GNG2: variants seen among roughly 807,000 people sequenced by gnomAD.
The protein encoded by GNG2 is G protein subunit gamma 2, also known as guanine nucleotide-binding protein G(I)/G(S)/G(O) subunit gamma-2.
Under a neutral mutation model 5.5 loss-of-function variants are expected in GNG2, and 5 were observed. The observed-to-expected ratio is 0.91, with a 90% CI of 0.48 to 1.92. The LOEUF is 1.92. GNG2 is among the 30% of genes most tolerant of loss of function. GNG2 has a pLI of 0.01. For missense variants in GNG2, 55 were observed against 88.4 expected (o/e 0.62, Z 1.52); for synonymous variants, 28 against 32.0 (o/e 0.88, Z 0.42).
intron 2 of GNG2, among the ~76,000 whole-genome samples, chr14:51,879,380 C>A (rs955306583): frequency 6.6e-6 from 1 of 152,098 alleles, no homozygotes; most frequent in Non-Finnish European, 1.5e-5. Flanking sequence ...AGGTAATGGT[C>A]AAATATTGAG....
intron 2 of GNG2, among the ~76,000 whole-genome samples, chr14:51,948,309 G>T (rs962968058): frequency 5.3e-5 from 8 of 152,238 alleles, no homozygotes; most frequent in African/African-American, 1.9e-4. Context: ...GGCAAGTTGT[G>T]ATCTCTGCCA....
In GNG2 at chr14:51,966,962, G is replaced by GCCCC. The variant is rs58532727; in HGVS notation, c.*282_*285dup. On this transcript the variant is annotated 3_prime_UTR_variant, in exon 4 of 4. Coordinates refer to ENST00000556766, the MANE Select transcript of GNG2 (RefSeq NM_053064.5). ...GTCACTTCTTTTCTGCTATCCCCCA[G>GCCCC]CCCCCCCCCCAAAATCCTCATGTTT... 15,196 of 105,196 alleles carry GCCCC rather than the reference G, an allele frequency of 0.14. 1,510 individuals are homozygous for GCCCC. Among genetic ancestry groups the GCCCC allele is most frequent in the Non-Finnish European group, 0.18 (9,896 of 54,072 alleles). The allele number at this position is 105,196 out of a possible 1,614,324, so 6.5% of individuals were successfully genotyped here. A position where few individuals can be genotyped will look rare whatever the true frequency, so the allele number is the denominator to read the frequency against.
At chr14:51,847,448 A>T (rs1335665035) in intron 2 of GNG2, 1 of 152,290 alleles carries the variant, frequency 6.6e-6, no homozygotes, top group Non-Finnish European at 1.5e-5. Context: ...TTATGGTAAG[A>T]GTAGCCCTGA....
chr14:51,945,304 T>C (rs1311131610), intron 2 of GNG2, among the ~76,000 whole-genome samples: 15 of 152,076 alleles, frequency 9.9e-5, no homozygotes, highest in East Asian at 1.9e-4. Flanking sequence ...AAGAGGTGAA[T>C]GGATAAAGAA....
chr14:51,957,408 C>A (rs1468810384), intron 3 of GNG2, among the ~76,000 whole-genome samples: 2 of 152,140 alleles, frequency 1.3e-5, no homozygotes, highest in East Asian at 1.9e-4. Context: ...TCTCTAATTT[C>A]TCTTTTCCTT....
chr14:51,953,151 A>G (rs999368747), intron 3 of GNG2, among the ~76,000 whole-genome samples: 2 of 152,226 alleles, frequency 1.3e-5, no homozygotes, highest in Admixed American at 1.3e-4. Flanking sequence ...ATTCAGATCA[A>G]ATTATTAGGT....
chr14:51,963,513 C>T (rs1306249702), intron 3 of GNG2, among the ~76,000 whole-genome samples: 1 of 152,176 alleles, frequency 6.6e-6, no homozygotes, highest in Non-Finnish European at 1.5e-5. Flanking sequence ...AAAGTGATCT[C>T]AATTCAGTCT....
rs189330796 is a variant in GNG2, at chr14:51,884,337, C to T, written c.-30+6680C>T. Among the ~76,000 whole-genome samples the T allele has an allele frequency of 4.6e-5, 7 of 152,144 alleles. No homozygotes were observed. The South Asian group carries it at 6.2e-4, about 13-fold the overall frequency. ...TTTAGCCTCTGTTAACATTTATATG[C>T]GGAACTTAAGTAATAAACCTTAATG... On this transcript the variant is annotated intron_variant, in intron 2 of 3. Coordinates refer to ENST00000556766, the MANE Select transcript of GNG2 (RefSeq NM_053064.5).
At chr14:51,833,600 A>T (rs1881254794) in intron 2 of GNG2, among the ~76,000 whole-genome samples, 1 of 152,252 alleles carries the variant, frequency 6.6e-6, no homozygotes, top group South Asian at 2.1e-4. Flanking sequence ...CTTAATGTGG[A>T]CCATCCTAAG....
intron 2 of GNG2, among the ~76,000 whole-genome samples, chr14:51,839,630 A>G (rs1362076062): frequency 1.6e-4 from 25 of 152,152 alleles, no homozygotes; most frequent in Admixed American, 1.6e-3. Flanking sequence ...GGAGGAGTTA[A>G]CTGCAAAGGA....
chr14:51,855,659 A>G (rs1201274411), upstream of GNG2, among the ~76,000 whole-genome samples: 1 of 152,236 alleles, frequency 6.6e-6, no homozygotes, highest in Non-Finnish European at 1.5e-5. Context: ...ATCAATGTGT[A>G]AGAGTGGACA....
intron 2 of GNG2, among the ~76,000 whole-genome samples, chr14:51,942,026 C>A (rs1255897011): frequency 6.6e-6 from 1 of 152,116 alleles, no homozygotes; most frequent in Non-Finnish European, 1.5e-5. Flanking sequence ...TGCTTACTGG[C>A]AAATATAACC....
chr14:51,851,092 G>T (rs1156898189), intron 2 of GNG2, among the ~76,000 whole-genome samples: 2 of 152,182 alleles, frequency 1.3e-5, no homozygotes, highest in Non-Finnish European at 2.9e-5. Context: ...GCAGCCTCAG[G>T]AACATTTGCA....
chr14:51,841,259 C>A (rs1031162880), intron 2 of GNG2, among the ~76,000 whole-genome samples: 3 of 152,174 alleles, frequency 2.0e-5, no homozygotes, highest in African/African-American at 7.2e-5. Flanking sequence ...CTCTGTGAAT[C>A]AGCTGCAACA....
intron 1 of GNG2, among the ~76,000 whole-genome samples, chr14:51,872,166 A>G (rs756138813): frequency 2.0e-5 from 3 of 152,270 alleles, no homozygotes; most frequent in Non-Finnish European, 4.4e-5. Context: ...CAAATAAGCC[A>G]GAGAGTTTTT....
At chr14:51,877,750 T>A (rs954965086) in intron 2 of GNG2, 93 bp downstream of exon 2, 11 of 380,992 alleles carry the variant, frequency 2.9e-5, no homozygotes, top group African/African-American at 2.3e-4. Flanking sequence ...GATGAAAGCA[T>A]GTGATGTTTT....
chr14:51,835,204 G>A (rs1306407440), intron 2 of GNG2, among the ~76,000 whole-genome samples: 2 of 152,218 alleles, frequency 1.3e-5, no homozygotes, highest in Admixed American at 6.5e-5. Flanking sequence ...ATTACTGTAA[G>A]AAGCAAGAAG....
chr14:51,885,001 C>T (rs1473370583), intron 2 of GNG2, among the ~76,000 whole-genome samples: 1 of 152,024 alleles, frequency 6.6e-6, no homozygotes, highest in African/African-American at 2.4e-5. Context: ...AGTCTGTGGA[C>T]AGAATCAGGT....
intron 3 of GNG2, among the ~76,000 whole-genome samples, chr14:51,965,070 T>C (rs1298265572): frequency 2.6e-5 from 4 of 152,174 alleles, no homozygotes; most frequent in Non-Finnish European, 4.4e-5. Flanking sequence ...AACTGTGCAT[T>C]GGCTCCTAAA....
Sources: gnomAD v4.1 joint callset for allele counts (sites outside exome capture counted in the v4.1 genomes callset) on GRCh38, gnomAD v4.1.1 for gene constraint, MANE v1.5 for transcripts, NCBI Gene and HGNC (gene_info 2026-07-23, HGNC 2026-07-21) for gene names.